Variants in GRIP1 observed in about 807,000 individuals in gnomAD.
GRIP1 encodes glutamate receptor-interacting protein 1.
Under a neutral mutation model 129.9 loss-of-function variants are expected in GRIP1, and 45 were observed. That is an observed-to-expected ratio of 0.35 (90% CI 0.27 to 0.44). The LOEUF (loss-of-function observed/expected upper bound fraction) is 0.44. GRIP1 is among the 20% of genes least tolerant of loss of function. The pLI is 1.00. For synonymous variants in GRIP1, 530 were observed against 520.8 expected (o/e 1.02, Z -0.24); for missense variants, 1,196 against 1,396.8 (o/e 0.86, Z 2.29).
chr12:66,673,756 G>A (rs532966053), intron 1 of GRIP1, among the ~76,000 whole-genome samples: 38 of 152,160 alleles, frequency 2.5e-4, no homozygotes, highest in Non-Finnish European at 4.3e-4. Context: ...GCACTTGCGC[G>A]AGAACAAGAC....
chr12:66,582,893 T>C (rs1455587780), intron 2 of GRIP1, among the ~76,000 whole-genome samples: 7 of 147,576 alleles, frequency 4.7e-5, no homozygotes, highest in Non-Finnish European at 9.1e-5. Context: ...CTTCACAGAA[T>C]TGGAAAAAAC....
intron 1 of GRIP1, among the ~76,000 whole-genome samples, chr12:66,737,829 C>T (rs920365647): frequency 6.6e-6 from 1 of 152,070 alleles, no homozygotes; most frequent in Admixed American, 6.6e-5. Flanking sequence ...TAAGGCAGAC[C>T]GATGTTATGC....
intron 1 of GRIP1, among the ~76,000 whole-genome samples, chr12:67,039,015 ATAAACAC>A (rs2043138340): frequency 1.6e-5 from 1 of 61,942 alleles, no homozygotes; most frequent in African/African-American, 4.1e-5. Context: ...GTCACAAATA[ATAAACAC>A]ACACACACAC....
In GRIP1 at chr12:66,970,540, C is replaced by CTTT. The variant is rs3051201; in HGVS notation, c.58+98507_58+98509dup. On this transcript the variant is annotated intron_variant, in intron 1 of 1. Transcript: ENST00000643019. Reference sequence around the variant, plus strand: ...CAGAGGTTTCAAAGTCCTCTAGTGTCTTTTTTTTTTTTTTTTTTCATCTCT... The same window carrying CTTT: ...CAGAGGTTTCAAAGTCCTCTAGTGTCTTTTTTTTTTTTTTTTTTTTTCATCTCT... 1.3e-3 allele frequency among the ~76,000 whole-genome samples: 172 copies of CTTT among 129,740 alleles called. 3 individuals carry two copies. The highest frequency in any genetic ancestry group is 1.7e-3 in the Non-Finnish European group (103 of 62,246). 85.1% of individuals were successfully genotyped at this position (129,740 alleles called of 152,430 possible). A position where few individuals can be genotyped will look rare whatever the true frequency, so the allele number is the denominator to read the frequency against.
At chr12:66,753,616 C>T (rs949937308) in intron 1 of GRIP1, among the ~76,000 whole-genome samples, 4 of 152,204 alleles carry the variant, frequency 2.6e-5, no homozygotes, top group Non-Finnish European at 5.9e-5. Context: ...ATCAAGGTTT[C>T]CTCCACTCAA....
intron 1 of GRIP1, among the ~76,000 whole-genome samples, chr12:66,926,666 T>C (rs2041300733): frequency 6.6e-6 from 1 of 152,234 alleles, no homozygotes; most frequent in Admixed American, 6.5e-5. Flanking sequence ...TAGTAGGCCT[T>C]CAAGTTATTT....
At chr12:66,648,286 G>A (rs1048673201) in intron 1 of GRIP1, among the ~76,000 whole-genome samples, 2 of 152,172 alleles carry the variant, frequency 1.3e-5, no homozygotes, top group Middle Eastern at 3.2e-3. Context: ...GAAGGGCCGT[G>A]GTATGCAGTA....
chr12:66,531,249 AAAAATATATATATATATATATATAT>A lies in GRIP1; in HGVS notation c.419-1360_419-1336del, dbSNP rs1363066656. On this transcript the variant is annotated intron_variant, in intron 4 of 24. Transcript: ENST00000359742. The stretch of plus-strand genomic sequence containing the variant: ...AGACTCTGTCTCAAAAAAAAAAAAA[AAAAATATATATATATATATATATAT>A]ATATATATATATATATATATATATA... Among the ~76,000 whole-genome samples, 11 of 28,296 alleles carry A rather than the reference AAAAATATATATATATATATATATAT, an allele frequency of 3.9e-4. 1 individual carries two copies. Among genetic ancestry groups the A allele is most frequent in the Non-Finnish European group, 5.8e-4 (10 of 17,124 alleles). The allele number at this position is 28,296 out of a possible 152,430, so 18.6% of individuals were successfully genotyped here.
intron 2 of GRIP1, among the ~76,000 whole-genome samples, chr12:66,546,538 T>C (rs912571063): frequency 1.3e-5 from 2 of 152,112 alleles, no homozygotes; most frequent in South Asian, 4.2e-4. Context: ...GATAGACATA[T>C]AGATCACTGG....
At chr12:66,845,130 TAAAG>T (rs2039790611) in intron 1 of GRIP1, among the ~76,000 whole-genome samples, 2 of 152,214 alleles carry the variant, frequency 1.3e-5, no homozygotes, top group African/African-American at 2.4e-5. Context: ...CAATTAAAAA[TAAAG>T]AAAGAAATGC....
At chr12:66,862,609 G>A (rs964641654) in intron 1 of GRIP1, among the ~76,000 whole-genome samples, 1 of 152,036 alleles carries the variant, frequency 6.6e-6, no homozygotes, top group African/African-American at 2.4e-5. Flanking sequence ...AGAGCATGGC[G>A]GGGTGAGGGA....
At chr12:66,751,515 A>G (rs748898760) in intron 1 of GRIP1, among the ~76,000 whole-genome samples, 4 of 152,192 alleles carry the variant, frequency 2.6e-5, no homozygotes, top group Admixed American at 2.6e-4. Context: ...CCAGGGCATG[A>G]TGACTGAATG....
At chr12:66,930,506 T>C (rs1055698727) in intron 1 of GRIP1, among the ~76,000 whole-genome samples, 2 of 151,402 alleles carry the variant, frequency 1.3e-5, no homozygotes, top group Non-Finnish European at 2.9e-5. Context: ...CAGTCTATCA[T>C]TGTTGGACAT....
chr12:66,870,257 T>C (rs1592917417), intron 1 of GRIP1, among the ~76,000 whole-genome samples: 1 of 152,074 alleles, frequency 6.6e-6, no homozygotes, highest in African/African-American at 2.4e-5. Flanking sequence ...TCCAGGTCTA[T>C]GGGTATAGCT....
At chr12:66,973,919 C>CTTTTCTT (rs2042113000) in intron 1 of GRIP1, among the ~76,000 whole-genome samples, 1 of 121,358 alleles carries the variant, frequency 8.2e-6, no homozygotes, top group Non-Finnish European at 1.7e-5. Flanking sequence ...CTTTTCTTTT[C>CTTTTCTT]TTTTTTTTTT....
intron 1 of GRIP1, among the ~76,000 whole-genome samples, chr12:66,619,865 C>T (rs77561846): frequency 0.087 from 13,241 of 152,092 alleles, 988 homozygotes; most frequent in African/African-American, 0.2. Context: ...ATACCAGTTA[C>T]TATTATATTG....
chr12:67,015,553 A>G (rs1469914151), intron 1 of GRIP1, among the ~76,000 whole-genome samples: 1 of 152,164 alleles, frequency 6.6e-6, no homozygotes, highest in African/African-American at 2.4e-5. Flanking sequence ...CTCTAAAAAG[A>G]CTTCTGACAG....
At chr12:66,545,277 G>A (rs1416277123) in intron 2 of GRIP1, among the ~76,000 whole-genome samples, 3 of 151,942 alleles carry the variant, frequency 2.0e-5, no homozygotes, top group Non-Finnish European at 4.4e-5. Context: ...GTTTTTCTTT[G>A]TGTTTGTAAT....
intron 23 of GRIP1, among the ~76,000 whole-genome samples, chr12:66,358,645 C>T (rs896455891): frequency 1.7e-4 from 26 of 152,070 alleles, no homozygotes; most frequent in African/African-American, 5.8e-4. Context: ...GACAGGGTTT[C>T]GCCATGTTGG....
Sources: allele counts gnomAD v4.1 joint callset (sites outside exome capture counted in the v4.1 genomes callset), GRCh38; gene constraint gnomAD v4.1.1; transcripts MANE v1.5; gene names NCBI Gene and HGNC (gene_info 2026-07-23, HGNC 2026-07-21).